Variants in CAMK4 observed in about 807,000 individuals in gnomAD.
CAMK4 encodes the protein calcium/calmodulin-dependent protein kinase type IV.
A neutral mutation model predicts 44.9 loss-of-function variants in CAMK4; 22 were observed. That is an observed-to-expected ratio of 0.49 (90% CI 0.35 to 0.70). The LOEUF (loss-of-function observed/expected upper bound fraction) is 0.70, where lower values mean the gene tolerates loss of function less well. Among genes scored for constraint, CAMK4 ranks in the 30% least tolerant of loss-of-function variants. The probability of loss-of-function intolerance (pLI) is 0.01; values close to 1 mark genes in which losing one functional copy is unlikely to be tolerated. For missense variants in CAMK4, 498 were observed against 586.8 expected (o/e 0.85, Z 1.56); for synonymous variants, 218 against 215.4 (o/e 1.01, Z -0.11).
chr5:111,226,395 G>A (rs1748195201), intron 1 of CAMK4, among the ~76,000 whole-genome samples: 1 of 152,166 alleles, frequency 6.6e-6, no homozygotes, highest in Non-Finnish European at 1.5e-5. Context: ...GTAAATTTTG[G>A]AGGACAAATA....
At chr5:111,362,094 C>G (rs1267907472) in intron 2 of CAMK4, among the ~76,000 whole-genome samples, 1 of 152,032 alleles carries the variant, frequency 6.6e-6, no homozygotes, top group African/African-American at 2.4e-5. Flanking sequence ...GTGAACGTTT[C>G]ACAGGGACTA....
chr5:111,314,015 T>C (rs1748317634), intron 1 of CAMK4, among the ~76,000 whole-genome samples: 2 of 152,162 alleles, frequency 1.3e-5, no homozygotes, highest in South Asian at 4.1e-4. Flanking sequence ...CTTAAGTGTG[T>C]GTCTTTTTCT....
At chr5:111,355,239 A>G (rs1750287307) in intron 2 of CAMK4, among the ~76,000 whole-genome samples, 1 of 152,094 alleles carries the variant, frequency 6.6e-6, no homozygotes, top group South Asian at 2.1e-4. Context: ...ATTGATTTTC[A>G]TAGGGACTAT....
intron 1 of CAMK4, among the ~76,000 whole-genome samples, chr5:111,250,636 T>G (rs1018961424): frequency 5.3e-5 from 8 of 152,286 alleles, no homozygotes; most frequent in African/African-American, 1.9e-4. Context: ...CATATCTGCT[T>G]TATTCTTTGT....
rs1336741551 is a variant in CAMK4 at position 111,491,061 on chromosome 5, C to G, written c.*6595C>G. On this transcript the variant is annotated 3_prime_UTR_variant, in exon 11 of 11. Transcript: ENST00000282356. The stretch of plus-strand genomic sequence containing the variant: ...AATGTCAGTCATTCATTTTATCTCT[C>G]GTCTTTGAGATACACACATTAAAAC... The G allele has an allele frequency of 1.3e-5, 2 of 152,150 alleles. No individual in the cohort carries two copies. The highest frequency in any genetic ancestry group is 4.8e-5 in the African/African-American group (2 of 41,440). 9.4% of individuals were successfully genotyped at this position (152,150 alleles called of 1,614,324 possible). A position where few individuals can be genotyped will look rare whatever the true frequency, so the allele number is the denominator to read the frequency against.
At chr5:111,291,699 A>G (rs543230051) in intron 1 of CAMK4, among the ~76,000 whole-genome samples, 1 of 152,064 alleles carries the variant, frequency 6.6e-6, no homozygotes, top group South Asian at 2.1e-4. Flanking sequence ...TTTTGTGGAG[A>G]TGGGGTCTTG....
At chr5:111,433,476 T>C (rs1296709067) in intron 5 of CAMK4, among the ~76,000 whole-genome samples, 1 of 152,122 alleles carries the variant, frequency 6.6e-6, no homozygotes, top group African/African-American at 2.4e-5. Context: ...GCAAACAAGA[T>C]AGAAGCTGTA....
intron 1 of CAMK4, among the ~76,000 whole-genome samples, chr5:111,301,481 G>A (rs1395934430): frequency 2.6e-5 from 4 of 152,296 alleles, no homozygotes; most frequent in African/African-American, 4.8e-5. Context: ...TGGAAACTAT[G>A]TCTAGTAGGA....
At chr5:111,435,786 C>T (rs1471709315) in intron 5 of CAMK4, among the ~76,000 whole-genome samples, 1 of 152,162 alleles carries the variant, frequency 6.6e-6, no homozygotes, top group Non-Finnish European at 1.5e-5. Flanking sequence ...TTTCCATAGC[C>T]TCCATTCCTA....
intron 1 of CAMK4, among the ~76,000 whole-genome samples, chr5:111,340,166 A>G (rs950926449): frequency 6.6e-6 from 1 of 151,140 alleles, no homozygotes; most frequent in African/African-American, 2.4e-5. Context: ...TCACCTGAAA[A>G]TAGCGACAGT....
chr5:111,286,133 C>T (rs979949314), intron 1 of CAMK4, among the ~76,000 whole-genome samples: 6 of 152,138 alleles, frequency 3.9e-5, no homozygotes, highest in Non-Finnish European at 7.4e-5. Context: ...AACCCATATT[C>T]CAATAGTGAG....
intron 1 of CAMK4, among the ~76,000 whole-genome samples, chr5:111,293,150 C>T (rs1747342641): frequency 1.3e-5 from 2 of 152,066 alleles, no homozygotes; most frequent in Non-Finnish European, 2.9e-5. Context: ...GGAAGTAAAG[C>T]AGCCATCATT....
At chr5:111,230,101 A>G (rs1748395441) in intron 1 of CAMK4, among the ~76,000 whole-genome samples, 2 of 152,166 alleles carry the variant, frequency 1.3e-5, no homozygotes, top group South Asian at 4.1e-4. Context: ...TATTGATTCT[A>G]GTGACCCTAG....
At chr5:111,244,026 C>G (rs1749125283) in intron 1 of CAMK4, among the ~76,000 whole-genome samples, 1 of 152,072 alleles carries the variant, frequency 6.6e-6, no homozygotes, top group African/African-American at 2.4e-5. Context: ...CTTTTCCAGC[C>G]CTTCAAAACT....
At chr5:111,331,076 C>T (rs1749147808) in intron 1 of CAMK4, among the ~76,000 whole-genome samples, 1 of 151,550 alleles carries the variant, frequency 6.6e-6, no homozygotes. Context: ...TTTCTTAGAA[C>T]ACAAAAAAGC....
At chr5:111,439,241 A>T (rs1308514984) in intron 5 of CAMK4, among the ~76,000 whole-genome samples, 1 of 152,130 alleles carries the variant, frequency 6.6e-6, no homozygotes, top group African/African-American at 2.4e-5. Flanking sequence ...CCATATCTAG[A>T]TCTTTCTACT....
chr5:111,406,848 CAATT>C (rs1414795813), intron 5 of CAMK4, among the ~76,000 whole-genome samples: 2 of 152,166 alleles, frequency 1.3e-5, no homozygotes, highest in Non-Finnish European at 2.9e-5. Context: ...TGCAAAAACT[CAATT>C]AAAGTGCCAT....
chr5:111,278,551 A>G (rs768871494), intron 1 of CAMK4, among the ~76,000 whole-genome samples: 3 of 152,248 alleles, frequency 2.0e-5, no homozygotes, highest in East Asian at 1.9e-4. Flanking sequence ...TAAAATTTGT[A>G]GCTAAATATA....
intron 1 of CAMK4, among the ~76,000 whole-genome samples, chr5:111,274,956 A>C (rs556119909): frequency 1.3e-5 from 2 of 152,230 alleles, no homozygotes; most frequent in East Asian, 3.9e-4. Flanking sequence ...AATTTTCCCC[A>C]GTAAATATGA....
Sources: allele counts gnomAD v4.1 joint callset (sites outside exome capture counted in the v4.1 genomes callset), GRCh38; gene constraint gnomAD v4.1.1; transcripts MANE v1.5; gene names NCBI Gene and HGNC (gene_info 2026-07-23, HGNC 2026-07-21).